The following CDH3 variants were observed in gnomAD, a reference collection of about 807,000 sequenced individuals.
The protein encoded by CDH3 is cadherin 3, also known as cadherin-3.
In CDH3, 54 loss-of-function variants were observed where a neutral mutation model predicts 82.0. That is an observed-to-expected ratio of 0.66 (90% CI 0.53 to 0.83). CDH3 has a LOEUF of 0.83. CDH3 is among the 40% of genes least tolerant of loss of function. CDH3 has a pLI of 0.00. For missense variants in CDH3, 1,054 were observed against 1,084.6 expected (o/e 0.97, Z 0.40); for synonymous variants, 446 against 437.9 (o/e 1.02, Z -0.23).
At position 68,679,710 on chromosome 16, in the gene CDH3, A is replaced by AAG. The variant is rs1402062939; in HGVS notation, c.692-88_692-87insGA. The AAG allele has an allele frequency of 9.1e-6, 7 of 766,982 alleles. No individual in the cohort carries two copies. In the East Asian group the frequency reaches 9.3e-5, roughly 10 times the overall value. The allele number at this position is 766,982 out of a possible 1,614,324, so 47.5% of individuals were successfully genotyped here. ...ACTTCATCTCAAAAAAAAAAAAAAA[A>AAG]AAAAAAAAGAAAAGAAAAAAAGAGT... On this transcript the variant is annotated intron_variant, in intron 6 of 15. Transcript: ENST00000264012.
chr16:68,688,296 A>G (rs971883121), intron 12 of CDH3, among the ~76,000 whole-genome samples: 4 of 151,942 alleles, frequency 2.6e-5, no homozygotes, highest in African/African-American at 9.7e-5. Context: ...ATGGCTTTAA[A>G]AATAATGTCA....
intron 2 of CDH3, among the ~76,000 whole-genome samples, chr16:68,668,726 T>C (rs1320253569): frequency 6.6e-6 from 1 of 152,230 alleles, no homozygotes; most frequent in East Asian, 1.9e-4. Flanking sequence ...GCTTCATCCG[T>C]TGAGTAAAGC....
intron 2 of CDH3, among the ~76,000 whole-genome samples, chr16:68,647,884 A>T (rs986012152): frequency 1.4e-4 from 22 of 152,138 alleles, no homozygotes; most frequent in African/African-American, 5.3e-4. Flanking sequence ...CCAAGCAGAC[A>T]AGTTTCCATA....
chr16:68,713,576 C>T (rs1206199852), intron 1 of CDH3, among the ~76,000 whole-genome samples: 2 of 152,124 alleles, frequency 1.3e-5, no homozygotes, highest in African/African-American at 4.8e-5. Context: ...TTCCCAAGGA[C>T]TCCTCCTCCA....
At chr16:68,655,863 A>T (rs1960398723) in intron 2 of CDH3, among the ~76,000 whole-genome samples, 3 of 152,168 alleles carry the variant, frequency 2.0e-5, no homozygotes, top group African/African-American at 7.2e-5. Flanking sequence ...ACGCCGTCTC[A>T]AAAAAAGAAA....
intron 4 of CDH3, 23 bp downstream of exon 4, chr16:68,678,300 G>A: frequency 6.2e-7 from 1 of 1,613,966 alleles, no homozygotes; most frequent in Non-Finnish European, 8.5e-7. Context: ...CTTCTCCTGG[G>A]AAGCATTGGT....
At chr16:68,692,090 G>T (rs1961596738) in intron 13 of CDH3, among the ~76,000 whole-genome samples, 164 bp downstream of exon 13, 1 of 152,160 alleles carries the variant, frequency 6.6e-6, no homozygotes, top group Non-Finnish European at 1.5e-5. Flanking sequence ...AGGCTGGAAT[G>T]CAGTGGCATG....
intron 2 of CDH3, chr16:68,722,689 A>T (rs1391325258): frequency 6.6e-6 from 1 of 152,228 alleles, no homozygotes; most frequent in Non-Finnish European, 1.5e-5. Flanking sequence ...ACACCCCCAG[A>T]GACCCAGGAT....
intron 2 of CDH3, among the ~76,000 whole-genome samples, chr16:68,660,041 G>C (rs1467317362): frequency 6.6e-6 from 1 of 152,130 alleles, no homozygotes; most frequent in Non-Finnish European, 1.5e-5. Flanking sequence ...ATCTTTTACA[G>C]ATGTGGTGTA....
intron 12 of CDH3, among the ~76,000 whole-genome samples, chr16:68,690,690 C>T (rs991900620): frequency 2.6e-5 from 4 of 152,058 alleles, no homozygotes; most frequent in Admixed American, 1.3e-4. Flanking sequence ...AGGTGGATCA[C>T]GAGGTCAGGA....
intron 1 of CDH3, among the ~76,000 whole-genome samples, chr16:68,719,521 TTTTTGA>T (rs1490655757): frequency 6.9e-6 from 1 of 145,960 alleles, no homozygotes; most frequent in Non-Finnish European, 1.5e-5. Context: ...TTTTTTTTTT[TTTTTGA>T]GAGGGAGTCT....
intron 2 of CDH3, among the ~76,000 whole-genome samples, chr16:68,667,546 A>T (rs1960768171): frequency 6.6e-6 from 1 of 152,204 alleles, no homozygotes; most frequent in African/African-American, 2.4e-5. Flanking sequence ...CCAGGAAGAG[A>T]CAAGCTCCTG....
At chr16:68,672,109 G>A (rs964870743) in intron 2 of CDH3, among the ~76,000 whole-genome samples, 2 of 151,252 alleles carry the variant, frequency 1.3e-5, no homozygotes, top group Admixed American at 6.6e-5. Flanking sequence ...GGAGAATGGC[G>A]TGAACCCCAG....
In CDH3 at chr16:68,645,336, C is replaced by G; in HGVS notation, c.-44C>G. The G allele has an allele frequency of 6.2e-7, 1 of 1,602,684 alleles. No homozygotes were observed. The highest frequency in any genetic ancestry group is 8.5e-7 in the Non-Finnish European group (1 of 1,172,434). ...AAGGGGCAAGAGCTGAGCGGAACAC[C>G]GGCCCGCCGTCGCGGCAGCTGCTTC... On this transcript the variant is annotated 5_prime_UTR_variant, in exon 1 of 16. Coordinates refer to ENST00000264012, the MANE Select transcript of CDH3 (RefSeq NM_001793.6).
chr16:68,651,976 G>T (rs1004042804), intron 2 of CDH3: 3 of 314,258 alleles, frequency 9.5e-6, no homozygotes, highest in Non-Finnish European at 1.3e-5. Context: ...TGCGGTGGCA[G>T]GACAGGACCG....
chr16:68,699,888 G>A lies in CDH3; in HGVS notation c.*1488G>A, dbSNP rs750785489. On this transcript the variant is annotated 3_prime_UTR_variant, in exon 16 of 16. Transcript: ENST00000264012. ...TAAGTGAATTAATATCTGGCACATG[G>A]TCCATGCAATCTGTTAGTTGGTAAC... The A allele has an allele frequency of 2.0e-5, 3 of 152,190 alleles. No homozygotes were observed. The highest frequency in any genetic ancestry group is 4.4e-5 in the Non-Finnish European group (3 of 68,046). The allele number at this position is 152,190 out of a possible 1,614,324, so 9.4% of individuals were successfully genotyped here.
intron 1 of CDH3, among the ~76,000 whole-genome samples, chr16:68,705,848 G>A (rs972381383): frequency 5.3e-5 from 8 of 151,474 alleles, no homozygotes; most frequent in South Asian, 2.1e-4. Flanking sequence ...GGTGGATCAC[G>A]AGGTCAAGAG....
At chr16:68,676,868 C>T (rs538765124) in intron 3 of CDH3, among the ~76,000 whole-genome samples, 135 of 152,270 alleles carry the variant, frequency 8.9e-4, no homozygotes, top group African/African-American at 2.8e-3. Flanking sequence ...GGGTGCTTGG[C>T]CACACTTCGT....
intron 2 of CDH3, among the ~76,000 whole-genome samples, chr16:68,665,893 T>C (rs1313541317): frequency 6.6e-6 from 1 of 152,156 alleles, no homozygotes; most frequent in Non-Finnish European, 1.5e-5. Context: ...GGTTGCCATA[T>C]AATTTTTCTA....
Sources: gnomAD v4.1 joint callset for allele counts (sites outside exome capture counted in the v4.1 genomes callset) on GRCh38, gnomAD v4.1.1 for gene constraint, MANE v1.5 for transcripts, NCBI Gene and HGNC (gene_info 2026-07-23, HGNC 2026-07-21) for gene names.